KLRG1: variants seen among roughly 807,000 people sequenced by gnomAD.
KLRG1 encodes killer cell lectin-like receptor subfamily G member 1.
In KLRG1, 16 loss-of-function variants were observed where a neutral mutation model predicts 21.8. The observed-to-expected ratio is 0.73, with a 90% CI of 0.50 to 1.11. The LOEUF is 1.11. Among genes scored for constraint, KLRG1 ranks in the 50% most tolerant of loss-of-function variants. KLRG1 has a pLI of 0.00. For missense variants in KLRG1, 173 were observed against 218.3 expected (o/e 0.79, Z 1.31); for synonymous variants, 69 against 75.9 (o/e 0.91, Z 0.47).
chr12:8,982,856 G>C (rs1170520299), intron 1 of KLRG1, among the ~76,000 whole-genome samples: 1 of 151,934 alleles, frequency 6.6e-6, no homozygotes, highest in Non-Finnish European at 1.5e-5. Context: ...ATGTTGGCCA[G>C]GCTGGCCTTG....
chr12:9,172,137 G>A, the KLRG1 span, among the ~76,000 whole-genome samples: 1 of 152,124 alleles, frequency 6.6e-6, no homozygotes, highest in Admixed American at 6.5e-5. Context: ...TACTAACAGT[G>A]GACCTCTCTG....
chr12:9,080,266 C>T, the KLRG1 span: 8 of 782,790 alleles, frequency 1.0e-5, no homozygotes, highest in South Asian at 1.2e-4. Flanking sequence ...TAGGACTATG[C>T]CTTATACCTA....
At chr12:8,984,499 CT>C (rs1405471506) in intron 1 of KLRG1, among the ~76,000 whole-genome samples, 1 of 152,138 alleles carries the variant, frequency 6.6e-6, no homozygotes, top group Non-Finnish European at 1.5e-5. Flanking sequence ...AATTATCCAC[CT>C]GCCCCCGCCT....
chr12:9,178,831 G>A, the KLRG1 span, among the ~76,000 whole-genome samples: 1 of 152,192 alleles, frequency 6.6e-6, no homozygotes, highest in Non-Finnish European at 1.5e-5. Flanking sequence ...GGGGGCACTA[G>A]TGGATATGCT....
At chr12:9,080,698 G>C in the KLRG1 span, among the ~76,000 whole-genome samples, 4 of 152,114 alleles carry the variant, frequency 2.6e-5, no homozygotes, top group African/African-American at 9.7e-5. Flanking sequence ...TTGAGGGTAA[G>C]GAAGTGAAGA....
chr12:9,214,170 A>G, the KLRG1 span, among the ~76,000 whole-genome samples: 14 of 152,068 alleles, frequency 9.2e-5, no homozygotes, highest in East Asian at 2.3e-3. Flanking sequence ...TGGACTCTCA[A>G]TGTTCTTCCA....
chr12:9,205,330 C>G, the KLRG1 span, among the ~76,000 whole-genome samples: 1 of 152,256 alleles, frequency 6.6e-6, no homozygotes, highest in East Asian at 1.9e-4. Flanking sequence ...AATCTCTCCA[C>G]ACTCTGAAAT....
the KLRG1 span, among the ~76,000 whole-genome samples, chr12:9,016,705 T>A: frequency 6.6e-6 from 1 of 152,142 alleles, no homozygotes; most frequent in Non-Finnish European, 1.5e-5. Context: ...CTCTGCCTCC[T>A]GGGTTCAAGT....
chr12:8,978,640 T>TTTTCTTTCTTTCTTTCTTTCCTTC (rs1555140708), intron 1 of KLRG1, among the ~76,000 whole-genome samples: 13 of 107,806 alleles, frequency 1.2e-4, no homozygotes, highest in African/African-American at 3.9e-4. Flanking sequence ...TTTTTCTTTC[T>TTTTCTTTCTTTCTTTCTTTCCTTC]TTTCTTTCTT....
intron 1 of KLRG1, among the ~76,000 whole-genome samples, chr12:8,965,536 A>C (rs2137234319): frequency 6.6e-6 from 1 of 152,254 alleles, no homozygotes; most frequent in African/African-American, 2.4e-5. Flanking sequence ...ATTCTTATAC[A>C]CCAATAACAG....
the KLRG1 span, chr12:9,093,521 C>T: frequency 9.3e-6 from 15 of 1,613,508 alleles, no homozygotes; most frequent in Middle Eastern, 4.9e-4. Context: ...GTACGGTCTC[C>T]GTGTGAGGCT....
chr12:9,081,633 C>A, the KLRG1 span, among the ~76,000 whole-genome samples: 1 of 152,300 alleles, frequency 6.6e-6, no homozygotes. Flanking sequence ...TCACTTTGAC[C>A]ATGTCATTGT....
At chr12:9,099,977 T>C in the KLRG1 span, among the ~76,000 whole-genome samples, 1 of 152,248 alleles carries the variant, frequency 6.6e-6, no homozygotes, top group African/African-American at 2.4e-5. Context: ...GTAGATTCTT[T>C]AGAGGTTGCA....
chr12:9,130,510 A>G, the KLRG1 span, among the ~76,000 whole-genome samples: 1 of 152,036 alleles, frequency 6.6e-6, no homozygotes, highest in Non-Finnish European at 1.5e-5. Context: ...GTGAAGTAGT[A>G]TGTCATTGTG....
At chr12:9,080,644 A>G in the KLRG1 span, among the ~76,000 whole-genome samples, 5 of 152,234 alleles carry the variant, frequency 3.3e-5, no homozygotes, top group Non-Finnish European at 7.3e-5. Flanking sequence ...TCTTTCTTCA[A>G]ATTTCATATA....
At chr12:9,023,674 G>C in the KLRG1 span, among the ~76,000 whole-genome samples, 1 of 151,174 alleles carries the variant, frequency 6.6e-6, no homozygotes, top group East Asian at 2.0e-4. Flanking sequence ...TCTTGCCTCA[G>C]CCTCACAGCT....
At chr12:9,144,772 C>A in the KLRG1 span, among the ~76,000 whole-genome samples, 2 of 152,098 alleles carry the variant, frequency 1.3e-5, no homozygotes, top group African/African-American at 4.8e-5. Flanking sequence ...TTGGGGCTGA[C>A]ATCTCTCTGG....
chr12:8,970,872 C>T (rs985869278), intron 1 of KLRG1, among the ~76,000 whole-genome samples: 1 of 151,898 alleles, frequency 6.6e-6, no homozygotes. Context: ...TGATCTATAT[C>T]TTTTTTCTTT....
chr12:9,158,810 C>T, the KLRG1 span, among the ~76,000 whole-genome samples: 2 of 132,226 alleles, frequency 1.5e-5, no homozygotes, highest in Non-Finnish European at 3.2e-5. Context: ...ACCAGCTTGT[C>T]CTTGCTTCCT....
Sources: gnomAD v4.1 joint callset for allele counts (sites outside exome capture counted in the v4.1 genomes callset) on GRCh38, gnomAD v4.1.1 for gene constraint, MANE v1.5 for transcripts, NCBI Gene and HGNC (gene_info 2026-07-23, HGNC 2026-07-21) for gene names.